AUH: variants seen among roughly 807,000 people sequenced by gnomAD.
AUH encodes the protein methylglutaconyl-CoA hydratase, mitochondrial.
In AUH, 29 loss-of-function variants were observed where a neutral mutation model predicts 42.3. The ratio of observed to expected loss-of-function variants is 0.69; its 90% CI spans 0.51 to 0.93. The LOEUF (loss-of-function observed/expected upper bound fraction) is 0.93. AUH is among the 40% of genes least tolerant of loss of function. The probability of loss-of-function intolerance (pLI) is 0.00; values close to 1 mark genes in which losing one functional copy is unlikely to be tolerated. For synonymous variants in AUH, 174 were observed against 166.4 expected (o/e 1.05, Z -0.35); for missense variants, 452 against 438.1 (o/e 1.03, Z -0.28).
chr9:91,264,942 T>C (rs1038435213), intron 6 of AUH, among the ~76,000 whole-genome samples: 8 of 152,234 alleles, frequency 5.3e-5, no homozygotes, highest in African/African-American at 1.9e-4. Flanking sequence ...GCAATGCTTA[T>C]AGCATCCATG....
intron 6 of AUH, among the ~76,000 whole-genome samples, chr9:91,268,675 C>A (rs1824856258): frequency 6.6e-6 from 1 of 152,134 alleles, no homozygotes; most frequent in Non-Finnish European, 1.5e-5. Context: ...GGCAATCTAC[C>A]TCCCTCAGCC....
At chr9:91,337,350 C>T (rs984077355) in intron 3 of AUH, among the ~76,000 whole-genome samples, 1 of 152,186 alleles carries the variant, frequency 6.6e-6, no homozygotes, top group Non-Finnish European at 1.5e-5. Context: ...TTACCTCCTC[C>T]TATTTCCTGA....
intron 6 of AUH, among the ~76,000 whole-genome samples, chr9:91,291,812 T>C (rs1005663720): frequency 2.0e-5 from 3 of 152,076 alleles, no homozygotes; most frequent in African/African-American, 7.2e-5. Context: ...ATTTACATTG[T>C]TACTGTTGTT....
intron 4 of AUH, among the ~76,000 whole-genome samples, chr9:91,320,596 G>A (rs1445738580): frequency 6.6e-6 from 1 of 152,192 alleles, no homozygotes; most frequent in Non-Finnish European, 1.5e-5. Flanking sequence ...CTCTCTGAAT[G>A]TACTGTGATT....
chr9:91,231,657 G>A (rs1415987017), intron 6 of AUH, among the ~76,000 whole-genome samples: 1 of 152,302 alleles, frequency 6.6e-6, no homozygotes, highest in Non-Finnish European at 1.5e-5. Flanking sequence ...AATTATAATT[G>A]TTTCAGTCTC....
chr9:91,296,349 T>C (rs537954780), intron 5 of AUH, among the ~76,000 whole-genome samples: 1 of 152,268 alleles, frequency 6.6e-6, no homozygotes, highest in East Asian at 1.9e-4. Flanking sequence ...ACTCCATTAT[T>C]AGACCCAATA....
intron 6 of AUH, among the ~76,000 whole-genome samples, chr9:91,237,170 A>AG (rs1828236346): frequency 6.6e-6 from 1 of 152,256 alleles, no homozygotes; most frequent in African/African-American, 2.4e-5. Flanking sequence ...ATGAATGCCA[A>AG]TAATGCTTAG....
intron 1 of AUH, among the ~76,000 whole-genome samples, chr9:91,358,114 T>A (rs1587935255): frequency 6.6e-6 from 1 of 152,164 alleles, no homozygotes; most frequent in East Asian, 1.9e-4. Flanking sequence ...CAAGAACTAT[T>A]CAAAAATTTT....
At chr9:91,270,991 A>G (rs1825078443) in intron 6 of AUH, among the ~76,000 whole-genome samples, 1 of 152,246 alleles carries the variant, frequency 6.6e-6, no homozygotes, top group Non-Finnish European at 1.5e-5. Context: ...TTCATGTAGA[A>G]TGAGTCAAAT....
chr9:91,250,049 T>C (rs546925311), intron 6 of AUH, among the ~76,000 whole-genome samples: 2 of 150,920 alleles, frequency 1.3e-5, no homozygotes, highest in South Asian at 4.2e-4. Context: ...AGTTGTATTC[T>C]CCACTAAATT....
intron 3 of AUH, among the ~76,000 whole-genome samples, chr9:91,346,260 G>A (rs892660385): frequency 3.9e-5 from 6 of 152,136 alleles, no homozygotes; most frequent in African/African-American, 7.2e-5. Flanking sequence ...CCTTCAGGGA[G>A]TGAGAGGAGC....
At chr9:91,289,143 A>G (rs1284925949) in intron 6 of AUH, among the ~76,000 whole-genome samples, 1 of 152,198 alleles carries the variant, frequency 6.6e-6, no homozygotes, top group Non-Finnish European at 1.5e-5. Flanking sequence ...TTTCATTTGG[A>G]TTAACTTACA....
chr9:91,351,077 C>T (rs754804190), intron 3 of AUH, among the ~76,000 whole-genome samples: 19 of 152,054 alleles, frequency 1.2e-4, no homozygotes, highest in Non-Finnish European at 2.4e-4. Context: ...TCATGCGACT[C>T]TCCCACCTAA....
At position 91,256,148 on chromosome 9, in the gene AUH, A is replaced by G. The variant is rs192357306; in HGVS notation, c.656-35156T>C. On this transcript the variant is annotated intron_variant, in intron 6 of 9. Transcript: ENST00000375731. Reference sequence around the variant, plus strand: ...AATCAGTTAGTGAGGCTTATACTGTAAAACAAATATGCTTCTACCCAGACT... The same window carrying G: ...AATCAGTTAGTGAGGCTTATACTGTGAAACAAATATGCTTCTACCCAGACT... 3.3e-5 allele frequency among the ~76,000 whole-genome samples: 5 copies of G among 152,308 alleles called. No homozygotes were observed. In the East Asian group the frequency reaches 9.6e-4, roughly 29 times the overall value.
At chr9:91,317,753 T>C (rs943138057) in intron 4 of AUH, among the ~76,000 whole-genome samples, 5 of 152,212 alleles carry the variant, frequency 3.3e-5, no homozygotes, top group African/African-American at 1.2e-4. Context: ...TAATATTTTA[T>C]TGTTAAGAAA....
In AUH at chr9:91,298,039, T is replaced by G. The variant is rs772478560; in HGVS notation, c.543A>C (p.Gly181=). The change falls in exon 5 of 10, where the codon GGA becomes GGC. Residue 181 remains glycine, a synonymous_variant. Transcript: ENST00000375731. ...GTTCAAGACCACCACCTAAAGCGAG[T>G]CCATCTATTGCTGCAATTGTTGGTA... ...LPVPTIAAID[G]LALGGGLELA... is the part of the protein sequence containing the mutation. The G allele has an allele frequency of 1.2e-6, 2 of 1,613,994 alleles. No homozygotes were observed. Among genetic ancestry groups the G allele is most frequent in the Non-Finnish European group, 1.7e-6 (2 of 1,179,916 alleles).
intron 3 of AUH, among the ~76,000 whole-genome samples, chr9:91,353,636 G>C (rs950192970): frequency 6.6e-6 from 1 of 151,470 alleles, no homozygotes; most frequent in Non-Finnish European, 1.5e-5. Context: ...TCAGGAGATC[G>C]AGACCATCCT....
At chr9:91,316,989 TTAAG>T (rs1252066529) in intron 4 of AUH, among the ~76,000 whole-genome samples, 1 of 152,230 alleles carries the variant, frequency 6.6e-6, no homozygotes, top group Non-Finnish European at 1.5e-5. Context: ...TCTAAACATA[TTAAG>T]TCTTTGCCAT....
Position 91,325,330 on chromosome 9 carries a change from T to A in AUH, c.493A>T (p.Ile165Phe). 1 of 1,613,622 alleles carries A rather than the reference T, an allele frequency of 6.2e-7. No homozygotes were observed. The highest frequency in any genetic ancestry group is 8.5e-7 in the Non-Finnish European group (1 of 1,179,616). Reference protein sequence around the residue: ...GPFVSKIRAVINDIANLPVPT... With the variant: ...GPFVSKIRAVFNDIANLPVPT... ...TAATAGTGCTTACCAATATCGTTAATCACTGCTCTTATTTTGGAGACAAAA... is the reference window on the plus strand; with the variant it reads ...TAATAGTGCTTACCAATATCGTTAAACACTGCTCTTATTTTGGAGACAAAA... The change falls in exon 4 of 10, where the codon ATT becomes TTT. Residue 165 changes from isoleucine to phenylalanine, a missense_variant. By Grantham distance (21) the Ile-to-Phe change is conservative. Transcript: ENST00000375731.
Sources: gnomAD v4.1 joint callset for allele counts (sites outside exome capture counted in the v4.1 genomes callset) on GRCh38, gnomAD v4.1.1 for gene constraint, MANE v1.5 for transcripts, NCBI Gene and HGNC (gene_info 2026-07-23, HGNC 2026-07-21) for gene names.